Variants in PCYT1B observed in about 807,000 individuals in gnomAD.
The protein encoded by PCYT1B is choline-phosphate cytidylyltransferase B.
PCYT1B carries 10 observed loss-of-function variants against 26.4 expected under a neutral mutation model. The observed-to-expected ratio is 0.38, with a 90% CI of 0.23 to 0.64. PCYT1B has a LOEUF of 0.64. Among genes scored for constraint, PCYT1B ranks in the 30% least tolerant of loss-of-function variants. PCYT1B has a pLI of 0.56. For synonymous variants in PCYT1B, 131 were observed against 108.4 expected, an observed-to-expected ratio of 1.21 and a Z score of -1.29; for missense variants, 161 against 292.7, an observed-to-expected ratio of 0.55 and a Z score of 3.28.
intron 5 of PCYT1B, among the ~76,000 whole-genome samples, chrX:24,581,183 C>T (rs1379456908): frequency 8.9e-6 from 1 of 112,209 alleles, no homozygotes; most frequent in East Asian, 2.8e-4. Flanking sequence ...CTGCTCAAAA[C>T]CCTCCACTGG....
intron 1 of PCYT1B, chrX:24,621,861 G>A: frequency 1.4e-6 from 1 of 731,616 alleles, no homozygotes; most frequent in South Asian, 7.0e-5. Context: ...TCCAAGAATG[G>A]TGTGTTCTTG....
intron 7 of PCYT1B, among the ~76,000 whole-genome samples, chrX:24,569,101 A>G (rs758810908): frequency 9.0e-6 from 1 of 111,331 alleles, no homozygotes; most frequent in African/African-American, 3.3e-5. Flanking sequence ...TCTGTCTTAA[A>G]AACAACAACA....
chrX:24,670,105 A>AAAGG (rs1438788473), intron 1 of PCYT1B, among the ~76,000 whole-genome samples: 1 of 24,304 alleles, frequency 4.1e-5, no homozygotes, highest in Admixed American at 7.4e-4. Context: ...AGAAAGAAAG[A>AAAGG]AAGAAAGAAA....
intron 1 of PCYT1B, among the ~76,000 whole-genome samples, chrX:24,625,262 A>C (rs963859154): frequency 1.8e-5 from 2 of 112,513 alleles, no homozygotes; most frequent in African/African-American, 6.5e-5. Flanking sequence ...ACAAAAAGAC[A>C]TCACAAAATC....
At chrX:24,648,095 T>A (rs994490354), upstream of PCYT1B, among the ~76,000 whole-genome samples, 1 of 111,827 alleles carries the variant, frequency 8.9e-6, no homozygotes, top group Non-Finnish European at 1.9e-5. Context: ...GGGTCCCATT[T>A]CCGAAGTACC....
At chrX:24,572,281 C>T (rs746392980) in intron 7 of PCYT1B, among the ~76,000 whole-genome samples, 1 of 110,210 alleles carries the variant, frequency 9.1e-6, no homozygotes, top group African/African-American at 3.3e-5. Context: ...CACACACACA[C>T]ACACACACGT....
chrX:24,596,409 T>C (rs894306468), intron 3 of PCYT1B, among the ~76,000 whole-genome samples: 1 of 110,517 alleles, frequency 9.0e-6, no homozygotes, highest in African/African-American at 3.3e-5. Flanking sequence ...CTGGCCAACA[T>C]GGTGAAACCC....
At chrX:24,659,108 C>G (rs1271488810) in intron 1 of PCYT1B, among the ~76,000 whole-genome samples, 1 of 111,766 alleles carries the variant, frequency 8.9e-6, no homozygotes, top group Non-Finnish European at 1.9e-5. Flanking sequence ...TGTGGGACCT[C>G]AAAGCCCCCA....
rs1206333264 is a variant in PCYT1B, at chrX:24,559,623, A to G, written c.*2670T>C. 9.0e-6 allele frequency: 1 copy of G among 111,271 alleles called. No homozygotes were observed. Among genetic ancestry groups the G allele is most frequent in the African/African-American group, 3.3e-5 (1 of 30,599 alleles). 9.2% of individuals were successfully genotyped at this position (111,271 alleles called of 1,213,427 possible). ...CCTCATTCTGAAGCTTCCTTTCCTC[A>G]CTAGGGCAAAAAGAATCTCTTTCCT... On this transcript the variant is annotated 3_prime_UTR_variant, in exon 8 of 8. Coordinates refer to ENST00000379144, the MANE Select transcript of PCYT1B (RefSeq NM_004845.5).
chrX:24,615,903 A>G (rs974719252), intron 2 of PCYT1B, among the ~76,000 whole-genome samples: 4 of 111,775 alleles, frequency 3.6e-5, no homozygotes, highest in African/African-American at 1.3e-4. Flanking sequence ...CATAAGGCAG[A>G]TCGTTGCAGT....
intron 1 of PCYT1B, among the ~76,000 whole-genome samples, chrX:24,636,517 G>C (rs1926275672): frequency 8.9e-6 from 1 of 112,220 alleles, no homozygotes; most frequent in Non-Finnish European, 1.9e-5. Flanking sequence ...AGAGGCTGAG[G>C]CAGAAGAACC....
intron 1 of PCYT1B, among the ~76,000 whole-genome samples, chrX:24,631,858 G>A (rs1378848726): frequency 1.8e-5 from 2 of 110,999 alleles, no homozygotes; most frequent in African/African-American, 6.6e-5. Context: ...CCAGCTACTC[G>A]GGAGGGGGAG....
intron 1 of PCYT1B, among the ~76,000 whole-genome samples, chrX:24,637,688 G>A (rs1459904929): frequency 9.6e-6 from 1 of 103,975 alleles, no homozygotes; most frequent in African/African-American, 3.6e-5. Flanking sequence ...TATCTTTTTG[G>A]ATCTTTGGGA....
intron 2 of PCYT1B, among the ~76,000 whole-genome samples, chrX:24,612,801 G>A (rs1406811895): frequency 2.7e-5 from 3 of 111,915 alleles, no homozygotes; most frequent in Non-Finnish European, 5.6e-5. Context: ...ACCACGTTAC[G>A]TTTAAATTCA....
chrX:24,579,689 T>C (rs1220790009), intron 5 of PCYT1B, among the ~76,000 whole-genome samples: 1 of 111,256 alleles, frequency 9.0e-6, no homozygotes, highest in Non-Finnish European at 1.9e-5. Context: ...TACCATGTAC[T>C]TGCCTGGCCC....
intron 1 of PCYT1B, among the ~76,000 whole-genome samples, chrX:24,625,061 A>G (rs1925841701): frequency 8.9e-6 from 1 of 112,459 alleles, no homozygotes; most frequent in Non-Finnish European, 1.9e-5. Flanking sequence ...TTGAAAAGTG[A>G]ATTACCCAGA....
chrX:24,593,313 A>T (rs1924630382), intron 3 of PCYT1B, among the ~76,000 whole-genome samples: 1 of 109,241 alleles, frequency 9.2e-6, no homozygotes. Context: ...ATTTATCTAC[A>T]GGTTCCTTCT....
At chrX:24,637,673 A>G (rs1310723517) in intron 1 of PCYT1B, among the ~76,000 whole-genome samples, 1 of 103,815 alleles carries the variant, frequency 9.6e-6, no homozygotes, top group Non-Finnish European at 1.9e-5. Context: ...AAAAATATAC[A>G]TATGTATCTT....
chrX:24,580,733 G>T (rs1251658228), intron 5 of PCYT1B, among the ~76,000 whole-genome samples: 3 of 111,713 alleles, frequency 2.7e-5, no homozygotes, highest in Non-Finnish European at 5.7e-5. Context: ...CATGTTGTTG[G>T]CAACTGAGAT....
Sources: allele counts gnomAD v4.1 joint callset (sites outside exome capture counted in the v4.1 genomes callset), GRCh38; gene constraint gnomAD v4.1.1; transcripts MANE v1.5; gene names NCBI Gene and HGNC (gene_info 2026-07-23, HGNC 2026-07-21).